Variants in NDST3 observed in about 807,000 individuals in gnomAD.
NDST3 encodes bifunctional heparan sulfate N-deacetylase/N-sulfotransferase 3.
NDST3 carries 58 observed loss-of-function variants against 96.1 expected under a neutral mutation model. The observed-to-expected ratio is 0.60, with a 90% confidence interval of 0.49 to 0.75. The LOEUF is 0.75. NDST3 is among the 30% of genes least tolerant of loss of function. The probability of loss-of-function intolerance (pLI) is 0.00; values close to 1 mark genes in which losing one functional copy is unlikely to be tolerated. For missense variants in NDST3, 788 were observed against 1,034.2 expected (o/e 0.76, Z 3.27); for synonymous variants, 333 against 359.7 (o/e 0.93, Z 0.84).
At chr4:118,133,809 A>C (rs955847110) in intron 4 of NDST3, among the ~76,000 whole-genome samples, 6 of 152,232 alleles carry the variant, frequency 3.9e-5, no homozygotes, top group Non-Finnish European at 5.9e-5. Context: ...TGGAATGAGA[A>C]GGAGGTAGTC....
chr4:118,137,702 T>G (rs567312415), intron 4 of NDST3, among the ~76,000 whole-genome samples: 1 of 152,308 alleles, frequency 6.6e-6, no homozygotes, highest in South Asian at 2.1e-4. Flanking sequence ...AGTGCTTAGT[T>G]TTGTTTGTAA....
intron 2 of NDST3, among the ~76,000 whole-genome samples, chr4:118,098,377 T>G (rs1438735823): frequency 6.6e-6 from 1 of 152,028 alleles, no homozygotes; most frequent in East Asian, 1.9e-4. Context: ...TTTTTAACAC[T>G]TATTTTCTTT....
At chr4:118,213,500 C>A (rs975342396) in intron 6 of NDST3, among the ~76,000 whole-genome samples, 1 of 151,810 alleles carries the variant, frequency 6.6e-6, no homozygotes, top group Non-Finnish European at 1.5e-5. Flanking sequence ...TATGAGCAAA[C>A]TAAAGGACCA....
intron 6 of NDST3, among the ~76,000 whole-genome samples, chr4:118,175,802 A>G (rs551371235): frequency 1.3e-5 from 2 of 152,238 alleles, no homozygotes; most frequent in South Asian, 2.1e-4. Context: ...CGCCCACTAA[A>G]ACAGGCATTT....
intron 6 of NDST3, among the ~76,000 whole-genome samples, chr4:118,190,571 T>C (rs762139802): frequency 2.0e-5 from 3 of 152,146 alleles, no homozygotes; most frequent in Non-Finnish European, 2.9e-5. Flanking sequence ...GTAGGGCCTG[T>C]CTGAGTCCTG....
chr4:118,242,039 G>A lies in NDST3; in HGVS notation c.2290-1G>A. 1 of 1,589,384 alleles carries A rather than the reference G, an allele frequency of 6.3e-7. No individual in the cohort carries two copies. Among genetic ancestry groups the A allele is most frequent in the Non-Finnish European group, 8.6e-7 (1 of 1,162,906 alleles). ...GTGCATTTTTTTATTTGATAATTTA[G>A]TTGCTAATTATTGATGGGCAACAAC... On this transcript the variant is annotated splice_acceptor_variant, in intron 11 of 13. Transcript: ENST00000296499. LOFTEE classifies it high-confidence loss of function.
chr4:118,054,196 A>C lies in NDST3; in HGVS notation c.286A>C (p.Ile96Leu). ...SQYSSLGQDI[I>L]MILESSRFQY... The stretch of plus-strand genomic sequence containing the variant: ...GTACTCATCTCTTGGTCAAGACATC[A>C]TTATGATTCTAGAATCAAGTAGATT... The change falls in exon 2 of 14, where the codon ATT becomes CTT. Residue 96 changes from isoleucine (I) to leucine (L), a missense_variant. Ile to Leu is a conservative substitution (Grantham distance 5). Transcript: ENST00000296499. 6.2e-7 allele frequency: 1 copy of C among 1,613,116 alleles called. No individual in the cohort carries two copies. The highest frequency in any genetic ancestry group is 8.5e-7 in the Non-Finnish European group (1 of 1,179,410).
chr4:118,246,041 G>A (rs1193714204), intron 12 of NDST3, among the ~76,000 whole-genome samples: 1 of 152,144 alleles, frequency 6.6e-6, no homozygotes, highest in Non-Finnish European at 1.5e-5. Context: ...CATATTAACA[G>A]GAAGTGCTTC....
intron 6 of NDST3, among the ~76,000 whole-genome samples, chr4:118,158,419 A>G (rs975929265): frequency 2.0e-5 from 3 of 152,182 alleles, no homozygotes; most frequent in African/African-American, 7.2e-5. Flanking sequence ...TAATTTTAGC[A>G]TGAAAAAAAT....
At chr4:118,231,410 C>T (rs1740287135) in intron 8 of NDST3, among the ~76,000 whole-genome samples, 1 of 149,726 alleles carries the variant, frequency 6.7e-6, no homozygotes, top group Non-Finnish European at 1.5e-5. Flanking sequence ...TAAGTAAATA[C>T]TATACTATCA....
chr4:118,059,623 C>A (rs76441614), intron 2 of NDST3, among the ~76,000 whole-genome samples: 9,204 of 147,504 alleles, frequency 0.062, 321 homozygotes, highest in Non-Finnish European at 0.083. Context: ...TGCTGCTTGA[C>A]TTCACCACGA....
chr4:118,173,784 C>T (rs1736107370), intron 6 of NDST3, among the ~76,000 whole-genome samples: 1 of 152,146 alleles, frequency 6.6e-6, no homozygotes, highest in South Asian at 2.1e-4. Context: ...GGTATTGCCA[C>T]TCTTTCCTTT....
At chr4:118,185,052 T>C (rs1736853370) in intron 6 of NDST3, among the ~76,000 whole-genome samples, 1 of 152,214 alleles carries the variant, frequency 6.6e-6, no homozygotes, top group South Asian at 2.1e-4. Context: ...TAGTTTCTTA[T>C]ATTTCGTTAA....
chr4:118,244,779 G>C (rs375578812), intron 12 of NDST3, among the ~76,000 whole-genome samples: 1 of 152,028 alleles, frequency 6.6e-6, no homozygotes, highest in African/African-American at 2.4e-5. Flanking sequence ...TTTTCCACAA[G>C]TGCTAAAGAA....
intron 4 of NDST3, among the ~76,000 whole-genome samples, chr4:118,135,460 G>C (rs770429855): frequency 6.6e-6 from 1 of 152,104 alleles, no homozygotes; most frequent in African/African-American, 2.4e-5. Context: ...GGGTAGTAAT[G>C]ACAACAATAA....
At position 118,224,480 on chromosome 4, in the gene NDST3, G is replaced by C; in HGVS notation, c.1540-11G>C. The C allele has an allele frequency of 6.3e-7, 1 of 1,591,788 alleles. No homozygotes were observed. Among genetic ancestry groups the C allele is most frequent in the Non-Finnish European group, 8.6e-7 (1 of 1,167,328 alleles). On this transcript the variant is annotated splice_polypyrimidine_tract_variant and intron_variant, in intron 6 of 13. Coordinates refer to ENST00000296499, the MANE Select transcript of NDST3 (RefSeq NM_004784.3). ...ATGTTATTTACACTGAAGTTCATTT[G>C]CTTTTTTCAGATCAGCATTTTCATG... is the stretch of plus-strand genomic sequence containing the variant.
At chr4:118,178,073 GA>G (rs1276419181) in intron 6 of NDST3, among the ~76,000 whole-genome samples, 10 of 144,852 alleles carry the variant, frequency 6.9e-5, no homozygotes, top group East Asian at 2.0e-4. Context: ...GGACCCACAG[GA>G]AAAAAAAAAG....
chr4:118,209,532 T>C (rs1281040119), intron 6 of NDST3, among the ~76,000 whole-genome samples: 1 of 152,226 alleles, frequency 6.6e-6, no homozygotes, highest in Non-Finnish European at 1.5e-5. Flanking sequence ...CCAATAGAAT[T>C]ACTTTTGACA....
intron 2 of NDST3, among the ~76,000 whole-genome samples, chr4:118,071,040 G>C (rs13135646): frequency 0.75 from 114,197 of 151,654 alleles, 45,656 homozygotes; most frequent in South Asian, 0.92. Context: ...CATGTCCCTA[G>C]AAAGGACATG....
Sources: gnomAD v4.1 joint callset for allele counts (sites outside exome capture counted in the v4.1 genomes callset) on GRCh38, gnomAD v4.1.1 for gene constraint, MANE v1.5 for transcripts, NCBI Gene and HGNC (gene_info 2026-07-23, HGNC 2026-07-21) for gene names.